ZC3H15: variants seen among roughly 807,000 people sequenced by gnomAD.
ZC3H15 encodes zinc finger CCCH-type containing 15.
Under a neutral mutation model 51.2 loss-of-function variants are expected in ZC3H15, and 15 were observed. The observed-to-expected ratio is 0.29, with a 90% CI of 0.20 to 0.45. The LOEUF is 0.45. ZC3H15 is among the 20% of genes least tolerant of loss of function. The pLI, the probability that ZC3H15 is intolerant of heterozygous loss-of-function variation, is 1.00. For synonymous variants in ZC3H15, 144 were observed against 162.8 expected, an observed-to-expected ratio of 0.88 and a Z score of 0.88; for missense variants, 381 against 494.7, an observed-to-expected ratio of 0.77 and a Z score of 2.18.
chr2:186,486,770 TGAG>T (rs1400469687), intron 1 of ZC3H15: 2 of 330,966 alleles, frequency 6.0e-6, no homozygotes, highest in East Asian at 4.7e-5. Flanking sequence ...CTCTCAGAAT[TGAG>T]GAGATTTTCC....
chr2:186,496,252 C>T (rs1021838886), intron 2 of ZC3H15, among the ~76,000 whole-genome samples: 2 of 152,222 alleles, frequency 1.3e-5, no homozygotes, highest in Admixed American at 6.5e-5. Context: ...AGTTCTCACT[C>T]TGTTGCCCAG....
At chr2:186,500,090 A>C (rs751471504) in intron 2 of ZC3H15, 92 bp from the exon 3 acceptor site, 1 of 1,020,404 alleles carries the variant, frequency 9.8e-7, no homozygotes, top group Non-Finnish European at 1.4e-6. Flanking sequence ...GACTGTAAAT[A>C]TGCAAGTGTC....
At chr2:186,493,188 G>A (rs1228791067) in intron 1 of ZC3H15, among the ~76,000 whole-genome samples, 1 of 151,670 alleles carries the variant, frequency 6.6e-6, no homozygotes, top group Non-Finnish European at 1.5e-5. Context: ...AAAACTAGAA[G>A]TTAAAAGTGT....
At chr2:186,508,250 C>G (rs1685498420) in intron 9 of ZC3H15, among the ~76,000 whole-genome samples, 1 of 152,126 alleles carries the variant, frequency 6.6e-6, no homozygotes, top group Non-Finnish European at 1.5e-5. Flanking sequence ...AATCTAATTG[C>G]TAGGTCATGT....
rs1224916590 is a variant in ZC3H15, at chr2:186,505,334, A to C, written c.718-117A>C. The stretch of plus-strand genomic sequence containing the variant: ...AAAATACATAAATTAGCTTATTCCA[A>C]TGTAATATCTTCAGGATAGTCATGG... On this transcript the variant is annotated intron_variant, in intron 6 of 9. Transcript: ENST00000337859. The C allele has an allele frequency of 2.5e-6, 3 of 1,223,508 alleles. No homozygotes were observed. The African/African-American group carries it at 4.6e-5, about 19-fold the overall frequency. 75.8% of individuals were successfully genotyped at this position (1,223,508 alleles called of 1,614,324 possible).
chr2:186,506,905 G>A (rs1685476545), intron 9 of ZC3H15, 69 bp downstream of exon 9: 1 of 1,515,610 alleles, frequency 6.6e-7, no homozygotes, highest in Non-Finnish European at 8.9e-7. Context: ...TACCAGGCTT[G>A]GCAAACTTAG....
chr2:186,505,615 C>T lies in ZC3H15; in HGVS notation c.864+18C>T, dbSNP rs373001901. On this transcript the variant is annotated intron_variant, in intron 7 of 9. Transcript: ENST00000337859. ...CACTAGTGGTATGTCTCAGGCTCAC[C>T]CAAACTGATTCTTTATTCTTCCATT... 18 of 1,598,558 alleles carry T rather than the reference C, an allele frequency of 1.1e-5. No homozygotes were observed. Among genetic ancestry groups the T allele is most frequent in the Non-Finnish European group, 1.5e-5 (18 of 1,171,424 alleles).
intron 1 of ZC3H15, among the ~76,000 whole-genome samples, chr2:186,492,363 A>G (rs1574422211): frequency 6.6e-6 from 1 of 152,214 alleles, no homozygotes; most frequent in Non-Finnish European, 1.5e-5. Context: ...AACTTTCTTT[A>G]TAGAAACAAG....
intron 3 of ZC3H15, chr2:186,500,531 A>G (rs1036695360): frequency 3.2e-6 from 2 of 625,764 alleles, no homozygotes; most frequent in African/African-American, 3.6e-5. Flanking sequence ...AAAATTAGTA[A>G]TTTAATAGAC....
intron 6 of ZC3H15, among the ~76,000 whole-genome samples, chr2:186,504,480 T>C (rs1211865022): frequency 2.0e-5 from 3 of 152,244 alleles, no homozygotes; most frequent in African/African-American, 7.2e-5. Context: ...TTCTGTAAGA[T>C]TGAGTTACTA....
intron 6 of ZC3H15, among the ~76,000 whole-genome samples, chr2:186,504,501 G>A (rs895019521): frequency 1.3e-5 from 2 of 152,146 alleles, no homozygotes; most frequent in Non-Finnish European, 2.9e-5. Context: ...AAAATGCTTA[G>A]TTCTCAGATT....
intron 1 of ZC3H15, among the ~76,000 whole-genome samples, chr2:186,489,268 A>T (rs1685156678): frequency 6.6e-6 from 1 of 152,224 alleles, no homozygotes; most frequent in Non-Finnish European, 1.5e-5. Flanking sequence ...TTTGAATTGT[A>T]GTGTTAAGTT....
intron 8 of ZC3H15, 168 bp downstream of exon 8, chr2:186,506,009 C>T (rs533680258): frequency 1.3e-5 from 9 of 719,816 alleles, no homozygotes; most frequent in African/African-American, 1.2e-4. Flanking sequence ...CTAATATGGA[C>T]ATAATGATTA....
At chr2:186,507,463 G>A (rs1468567485) in intron 9 of ZC3H15, 1 of 456,646 alleles carries the variant, frequency 2.2e-6, no homozygotes, top group Admixed American at 2.3e-5. Flanking sequence ...TAGCTCAGAG[G>A]AAGAGGATCT....
At position 186,486,321 on chromosome 2, in the gene ZC3H15, G is replaced by T; in HGVS notation, c.-62G>T. ...GGTCTTCCTCCTCGTCCTGCCGCAG[G>T]GCCAGAACCCCTGACGGTATTCAGC... On this transcript the variant is annotated 5_prime_UTR_variant, in exon 1 of 10. Coordinates refer to ENST00000337859, the MANE Select transcript of ZC3H15 (RefSeq NM_018471.3). 1 of 1,449,840 alleles carries T rather than the reference G, an allele frequency of 6.9e-7. No individual in the cohort carries two copies. Among genetic ancestry groups the T allele is most frequent in the Non-Finnish European group, 9.2e-7 (1 of 1,089,280 alleles). 89.8% of individuals were successfully genotyped at this position (1,449,840 alleles called of 1,614,324 possible).
At chr2:186,492,239 A>G (rs1248527003) in intron 1 of ZC3H15, among the ~76,000 whole-genome samples, 2 of 152,108 alleles carry the variant, frequency 1.3e-5, no homozygotes, top group African/African-American at 4.8e-5. Flanking sequence ...CTCCCGTGAG[A>G]GCTCACTTTT....
At chr2:186,500,361 G>A in intron 3 of ZC3H15, 68 bp downstream of exon 3, 15 of 1,280,434 alleles carry the variant, frequency 1.2e-5, no homozygotes, top group Non-Finnish European at 1.5e-5. Context: ...TATTTATTTT[G>A]ATGTTTATTT....
intron 2 of ZC3H15, chr2:186,499,600 T>C (rs1054353913): frequency 3.5e-5 from 16 of 455,894 alleles, no homozygotes; most frequent in Non-Finnish European, 4.9e-5. Flanking sequence ...TTCATTGTAT[T>C]CTCTGTCATC....
Position 186,486,315 on chromosome 2 carries a change from C to T in ZC3H15, c.-68C>T. 7.1e-7 allele frequency: 1 copy of T among 1,406,910 alleles called. No individual in the cohort carries two copies. Among genetic ancestry groups the T allele is most frequent in the East Asian group, 2.8e-5 (1 of 35,914 alleles). 87.2% of individuals were successfully genotyped at this position (1,406,910 alleles called of 1,614,324 possible). On this transcript the variant is annotated 5_prime_UTR_variant, in exon 1 of 10. Transcript: ENST00000337859. ...GGCCCCGGTCTTCCTCCTCGTCCTG[C>T]CGCAGGGCCAGAACCCCTGACGGTA...
Sources: allele counts gnomAD v4.1 joint callset (sites outside exome capture counted in the v4.1 genomes callset), GRCh38; gene constraint gnomAD v4.1.1; transcripts MANE v1.5; gene names NCBI Gene and HGNC (gene_info 2026-07-23, HGNC 2026-07-21).